Variants in RASA3 observed in about 807,000 individuals in gnomAD.
RASA3 encodes the protein ras GTPase-activating protein 3.
In RASA3, 73 loss-of-function variants were observed where a neutral mutation model predicts 110.0. The observed-to-expected ratio is 0.66, with a 90% CI of 0.55 to 0.81. The LOEUF (loss-of-function observed/expected upper bound fraction) is 0.81, where lower values mean the gene tolerates loss of function less well. Ranked by LOEUF, RASA3 falls within the 30% of genes least tolerant of loss-of-function variation. The pLI, the probability that RASA3 is intolerant of heterozygous loss-of-function variation, is 0.00. For missense variants in RASA3, 976 were observed against 1,113.2 expected, an observed-to-expected ratio of 0.88 and a Z score of 1.75; for synonymous variants, 500 against 451.4, an observed-to-expected ratio of 1.11 and a Z score of -1.37.
chr13:114,109,907 A>T (rs74116484), intron 1 of RASA3, among the ~76,000 whole-genome samples: 1,683 of 152,258 alleles, frequency 0.011, 35 homozygotes, highest in African/African-American at 0.038. Flanking sequence ...CAGCCCCCAG[A>T]ACACCCTTGG....
chr13:114,073,762 T>C lies in RASA3; in HGVS notation c.131A>G (p.Gln44Arg). Residue 44 changes from glutamine to arginine, a missense_variant, in exon 2 of 24, where the codon CAG (glutamine) becomes CGG (arginine). By Grantham distance (43) the Gln-to-Arg change is conservative. Coordinates refer to ENST00000334062, the MANE Select transcript of RASA3 (RefSeq NM_007368.4). ...AATTTTGGTCCTGAAAACCTCCTCC[T>C]GGTCCAGGTTCACCGTGCAGTAGCA... is the stretch of plus-strand genomic sequence containing the variant. ...RDCYCTVNLD[Q>R]EEVFRTKIVE... 2 of 1,614,226 alleles carry C rather than the reference T, an allele frequency of 1.2e-6. No individual in the cohort carries two copies. The highest frequency in any genetic ancestry group is 1.7e-6 in the Non-Finnish European group (2 of 1,180,038).
chr13:114,116,649 T>C (rs892916865), intron 1 of RASA3, among the ~76,000 whole-genome samples: 16 of 152,370 alleles, frequency 1.1e-4, no homozygotes, highest in African/African-American at 3.8e-4. Flanking sequence ...TAATTTTGCT[T>C]AATGAAAAAT....
rs564845579 is a variant in RASA3, at chr13:114,012,666, T to C, written c.1512+476A>G. ...TCCCCATTCCACACGCCTTCCACACTCCCCACACACTGTCCACGCACTCCA... is the reference window on the plus strand; with the variant it reads ...TCCCCATTCCACACGCCTTCCACACCCCCCACACACTGTCCACGCACTCCA... On this transcript the variant is annotated intron_variant, in intron 15 of 23. Coordinates refer to ENST00000334062, the MANE Select transcript of RASA3 (RefSeq NM_007368.4). Among the ~76,000 whole-genome samples, 40 of 80,524 alleles carry C rather than the reference T, an allele frequency of 5.0e-4. No individual in the cohort carries two copies. The South Asian group carries it at 0.012, about 24-fold the overall frequency. 52.8% of individuals were successfully genotyped at this position (80,524 alleles called of 152,430 possible). A position where few individuals can be genotyped will look rare whatever the true frequency, so the allele number is the denominator to read the frequency against.
At chr13:114,124,878 A>G (rs2139797744) in intron 1 of RASA3, among the ~76,000 whole-genome samples, 1 of 152,216 alleles carries the variant, frequency 6.6e-6, no homozygotes, top group South Asian at 2.1e-4. Flanking sequence ...TTTGTTCTTC[A>G]CTCACTCACC....
intron 4 of RASA3, among the ~76,000 whole-genome samples, chr13:114,039,728 G>A (rs8001977): frequency 0.36 from 55,056 of 152,126 alleles, 10,281 homozygotes; most frequent in Middle Eastern, 0.51. Context: ...AGCTGTTGCC[G>A]GGCAGCTGGG....
At chr13:114,001,027 T>C (rs568421912) in intron 18 of RASA3, 95 bp from the exon 19 acceptor site, 1 of 786,666 alleles carries the variant, frequency 1.3e-6, no homozygotes. Flanking sequence ...TTCTGAGACC[T>C]GAGGCAGGCA....
chr13:114,121,275 G>A (rs2080372691), intron 1 of RASA3, among the ~76,000 whole-genome samples: 1 of 152,216 alleles, frequency 6.6e-6, no homozygotes, highest in Non-Finnish European at 1.5e-5. Context: ...AGCCTCCTGG[G>A]ACCAGGCCCC....
Position 114,027,409 on chromosome 13 carries a change from C to A in RASA3, c.583G>T (p.Asp195Tyr). 1 of 1,612,754 alleles carries A rather than the reference C, an allele frequency of 6.2e-7. No homozygotes were observed. The highest frequency in any genetic ancestry group is 1.3e-5 in the African/African-American group (1 of 75,012). ...VKRKTNNPQFDEVFYFEVTRP... is the reference protein window; with the variant it reads ...VKRKTNNPQFYEVFYFEVTRP... The stretch of plus-strand genomic sequence containing the variant: ...CCAACCTCAAAATAAAACACTTCAT[C>A]GAACTGGGGATTGTTGGTCTTCCTC... Residue 195 changes from aspartate to tyrosine, a missense_variant, in exon 7 of 24, where the codon GAT (aspartate) becomes TAT (tyrosine). Physicochemically the swap from Asp to Tyr is radical, Grantham distance 160. This residue lies in a region of RASA3 where 732 missense variants were observed against 779.7 expected (regional missense o/e 0.94). Transcript: ENST00000334062.
At chr13:114,020,187 C>CA (rs2053894390) in intron 9 of RASA3, among the ~76,000 whole-genome samples, 1 of 55,762 alleles carries the variant, frequency 1.8e-5, no homozygotes, top group Non-Finnish European at 3.5e-5. Context: ...CATTAGCCCC[C>CA]GCCAGGTGGG....
intron 1 of RASA3, among the ~76,000 whole-genome samples, chr13:114,075,262 C>T (rs2079649605): frequency 6.6e-6 from 1 of 152,204 alleles, no homozygotes; most frequent in African/African-American, 2.4e-5. Context: ...ACTCAGCAAG[C>T]GCACACGTCA....
At chr13:114,081,691 A>G (rs2079790970) in intron 1 of RASA3, among the ~76,000 whole-genome samples, 1 of 152,218 alleles carries the variant, frequency 6.6e-6, no homozygotes, top group Admixed American at 6.5e-5. Flanking sequence ...CAGGAGACTG[A>G]GGCAAATCCT....
At chr13:114,037,815 T>C (rs2054307470) in intron 4 of RASA3, among the ~76,000 whole-genome samples, 1 of 152,174 alleles carries the variant, frequency 6.6e-6, no homozygotes. Context: ...CTGGTTGACG[T>C]TGCACCAGCT....
In RASA3 at chr13:114,011,181, T is replaced by G. The variant is rs904119055; in HGVS notation, c.1580A>C (p.Lys527Thr). Residue 527 changes from lysine (K) to threonine (T), a missense_variant, in exon 16 of 24, where the codon AAG becomes ACG. Lys to Thr is a moderately conservative substitution (Grantham distance 78). Coordinates refer to ENST00000334062, the MANE Select transcript of RASA3 (RefSeq NM_007368.4). This position sits in a 1 kb window ranked among gnomAD's most constrained non-coding sequence, Gnocchi z 4.8. ...AGAAGAGGGACTCACAGATTTGGAC[T>G]TGGACAGGCTGCCGAGGGTCTGAAC... ...KTVQTLGSLS[K>T]SKSASFKESY... 1 of 1,611,628 alleles carries G rather than the reference T, an allele frequency of 6.2e-7. No individual in the cohort carries two copies. Among genetic ancestry groups the G allele is most frequent in the African/African-American group, 1.3e-5 (1 of 74,872 alleles).
intron 4 of RASA3, among the ~76,000 whole-genome samples, chr13:114,034,598 G>A (rs1255901238): frequency 1.3e-5 from 2 of 152,224 alleles, no homozygotes; most frequent in Non-Finnish European, 2.9e-5. Context: ...TGATTCAGGA[G>A]TGGGAACAAA....
intron 1 of RASA3, among the ~76,000 whole-genome samples, chr13:114,130,776 T>C (rs1282286155): frequency 6.6e-6 from 1 of 151,752 alleles, no homozygotes; most frequent in African/African-American, 2.4e-5. Context: ...CCAGGCCGCC[T>C]CTGCCTGCTG....
At chr13:114,082,797 G>A (rs2079804661) in intron 1 of RASA3, among the ~76,000 whole-genome samples, 1 of 152,148 alleles carries the variant, frequency 6.6e-6, no homozygotes, top group Non-Finnish European at 1.5e-5. Flanking sequence ...GTTCTCTAGG[G>A]GAAAAATGCA....
chr13:113,984,724 T>C (rs1474029823), intron 22 of RASA3, among the ~76,000 whole-genome samples: 57 of 73,156 alleles, frequency 7.8e-4, no homozygotes, highest in Admixed American at 1.6e-3. Flanking sequence ...TGTCCATCCA[T>C]CCATCACTCA....
Position 113,979,348 on chromosome 13 carries a change from T to C in RASA3, c.2504A>G (p.Ter835=), listed in dbSNP as rs766746292. 3 of 1,593,074 alleles carry C rather than the reference T, an allele frequency of 1.9e-6. No homozygotes were observed. Among genetic ancestry groups the C allele is most frequent in the Non-Finnish European group, 2.6e-6 (3 of 1,161,140 alleles). ...GCCACTGGGCGCGTCCCGCAGACTT[T>C]AAATGGAATGAGTGGAGGTCTCGGA... ...QQSETSTHSI[*] is the part of the protein sequence containing the mutation. Residue 835 remains the stop codon, a stop_retained_variant, in exon 24 of 24, where the codon TAA becomes TGA. Coordinates refer to ENST00000334062, the MANE Select transcript of RASA3 (RefSeq NM_007368.4).
chr13:114,021,866 C>T (rs2053934374), intron 8 of RASA3, among the ~76,000 whole-genome samples: 1 of 151,538 alleles, frequency 6.6e-6, no homozygotes, highest in South Asian at 2.1e-4. Context: ...GCTGCGTGCA[C>T]CCAGGAGCTA....
Sources: allele counts gnomAD v4.1 joint callset (sites outside exome capture counted in the v4.1 genomes callset), GRCh38; gene constraint gnomAD v4.1.1; regional missense constraint gnomAD v4.1.1; non-coding constraint Gnocchi (gnomAD v3.1); transcripts MANE v1.5; gene names NCBI Gene and HGNC (gene_info 2026-07-23, HGNC 2026-07-21).